The following LCMT1 variants were observed in gnomAD, a reference collection of about 807,000 sequenced individuals.
LCMT1 encodes the protein [Phosphatase 2A protein]-leucine-carboxy methyltransferase 1.
LCMT1 carries 32 observed loss-of-function variants against 47.7 expected under a neutral mutation model. The observed-to-expected ratio is 0.67, with a 90% CI of 0.51 to 0.90. The LOEUF (loss-of-function observed/expected upper bound fraction) is 0.90. Ranked by LOEUF, LCMT1 falls within the 40% of genes least tolerant of loss-of-function variation. The pLI is 0.00. For synonymous variants in LCMT1, 152 were observed against 149.7 expected (o/e 1.02, Z -0.11); for missense variants, 375 against 415.2 (o/e 0.90, Z 0.84).
At chr16:25,160,438 T>C (rs991328396) in intron 5 of LCMT1, among the ~76,000 whole-genome samples, 2 of 152,222 alleles carry the variant, frequency 1.3e-5, no homozygotes, top group African/African-American at 4.8e-5. Context: ...ATTTTATTTG[T>C]AAATACATTA....
chr16:25,147,703 T>G (rs62034870), intron 4 of LCMT1: 1 of 152,030 alleles, frequency 6.6e-6, no homozygotes, highest in African/African-American at 2.4e-5. Flanking sequence ...AAAAAAAATT[T>G]GATTTTGAGG....
At position 25,130,549 on chromosome 16, in the gene LCMT1, G is replaced by A. The variant is rs73563425; in HGVS notation, c.206-1853G>A. Among the ~76,000 whole-genome samples, 1,507 of 152,186 alleles carry A rather than the reference G, an allele frequency of 9.9e-3. 26 individuals are homozygous for A. The highest frequency in any genetic ancestry group is 0.035 in the African/African-American group (1,439 of 41,490). On this transcript the variant is annotated intron_variant, in intron 2 of 10. Transcript: ENST00000399069. ...GCCTGTAGTCCCAGCTACTTGGGAG[G>A]CAGAGGTGGGAAGATCGGCTCAGGC...
chr16:25,176,549 G>GTTTTTTTTTT (rs1961947107), intron 10 of LCMT1, among the ~76,000 whole-genome samples: 1 of 62,844 alleles, frequency 1.6e-5, no homozygotes, highest in Non-Finnish European at 3.1e-5. Flanking sequence ...TTTTTTTTTG[G>GTTTTTTTTTT]CTTTTTTTTT....
chr16:25,165,262 A>G (rs926940715), intron 7 of LCMT1, among the ~76,000 whole-genome samples: 1 of 152,182 alleles, frequency 6.6e-6, no homozygotes, highest in Non-Finnish European at 1.5e-5. Flanking sequence ...AAAATATTCT[A>G]ATTTCTAAAA....
Position 25,164,622 on chromosome 16 carries a change from ATG to A in LCMT1, c.599_600del (p.Val200AlafsTer21). 1 of 1,613,946 alleles carries A rather than the reference ATG, an allele frequency of 6.2e-7. No individual in the cohort carries two copies. Among genetic ancestry groups the A allele is most frequent in the Non-Finnish European group, 8.5e-7 (1 of 1,179,866 alleles). On this transcript the variant is annotated frameshift_variant, in exon 7 of 11. Coordinates refer to ENST00000399069, the MANE Select transcript of LCMT1 (RefSeq NM_016309.3). LOFTEE classifies it high-confidence loss of function. ...TQLPTLLIAE[C>X]VLVYMTPEQS... ...GATTGCCAACACTCCTGATAGCTGA[ATG>A]TGTGCTGGTTTACATGACTCCAGAG...
chr16:25,159,090 C>T (rs1439899070), intron 5 of LCMT1, among the ~76,000 whole-genome samples: 2 of 152,110 alleles, frequency 1.3e-5, no homozygotes, highest in Non-Finnish European at 1.5e-5. Context: ...GAGAGATCTC[C>T]CCTGAACTAC....
At position 25,177,983 on chromosome 16, in the gene LCMT1, G is replaced by A. The variant is rs907859995; in HGVS notation, c.983-18G>A. ...CCACCAGAGTCTCCTAATGGTGTCT[G>A]TGTGTCTCTCCCCTCAGGGCTGAAG... On this transcript the variant is annotated intron_variant, in intron 10 of 10. Transcript: ENST00000399069. 2.5e-6 allele frequency: 4 copies of A among 1,613,260 alleles called. No homozygotes were observed. Among genetic ancestry groups the A allele is most frequent in the Admixed American group, 1.7e-5 (1 of 59,974 alleles).
chr16:25,157,234 T>A (rs941400785), intron 5 of LCMT1, among the ~76,000 whole-genome samples: 9 of 152,066 alleles, frequency 5.9e-5, no homozygotes, highest in African/African-American at 2.2e-4. Context: ...TTTCACCTCA[T>A]GACCTAATCA....
chr16:25,128,512 A>G lies in LCMT1; in HGVS notation c.151A>G (p.Ile51Val). ...CATTGGCTACTGGCATGACCCTTAC[A>G]TACAGCACTTTGTGAGACTGTCTAA... is the stretch of plus-strand genomic sequence containing the variant. Reference protein sequence around the residue: ...VSIGYWHDPYIQHFVRLSKER... With the variant: ...VSIGYWHDPYVQHFVRLSKER... The change falls in exon 2 of 11, where the codon ATA (isoleucine) becomes GTA (valine). Residue 51 changes from isoleucine to valine, a missense_variant. Ile to Val is a conservative substitution (Grantham distance 29). Transcript: ENST00000399069. 2 of 1,610,888 alleles carry G rather than the reference A, an allele frequency of 1.2e-6. No homozygotes were observed. Among genetic ancestry groups the G allele is most frequent in the Non-Finnish European group, 8.5e-7 (1 of 1,178,658 alleles).
chr16:25,164,663 T>C lies in LCMT1; in HGVS notation c.635T>C (p.Leu212Pro). The C allele has an allele frequency of 6.2e-7, 1 of 1,613,986 alleles. No homozygotes were observed. The change falls in exon 7 of 11, where the codon CTC becomes CCC. Residue 212 changes from leucine to proline, a missense_variant. Leu to Pro is a moderately conservative substitution (Grantham distance 98). Transcript: ENST00000399069. ...ATGACTCCAGAGCAGTCCGCAAACC[T>C]CCTGAAGTGGGCAGCCAACAGTTTT... ...VYMTPEQSAN[L>P]LKWAANSFER...
intron 3 of LCMT1, among the ~76,000 whole-genome samples, chr16:25,136,467 A>G (rs1414988002): frequency 1.3e-5 from 2 of 151,310 alleles, no homozygotes; most frequent in African/African-American, 4.9e-5. Flanking sequence ...AAGAAACAGG[A>G]TATCTTTTTT....
At chr16:25,156,530 G>A (rs1961260767) in intron 5 of LCMT1, among the ~76,000 whole-genome samples, 2 of 152,230 alleles carry the variant, frequency 1.3e-5, no homozygotes, top group Non-Finnish European at 2.9e-5. Flanking sequence ...GTTGGGCCGT[G>A]AGGAGGAGAC....
intron 1 of LCMT1, among the ~76,000 whole-genome samples, chr16:25,117,017 G>A (rs1959810507): frequency 6.6e-6 from 1 of 152,136 alleles, no homozygotes; most frequent in African/African-American, 2.4e-5. Context: ...GTAGGGAGTG[G>A]GTAGCAGGTT....
intron 6 of LCMT1, among the ~76,000 whole-genome samples, chr16:25,162,331 G>A (rs1961455585): frequency 6.6e-6 from 1 of 152,090 alleles, no homozygotes; most frequent in Non-Finnish European, 1.5e-5. Context: ...CCTCATGCCT[G>A]TAATCTCAGC....
chr16:25,127,617 C>G (rs1012247878), intron 1 of LCMT1, among the ~76,000 whole-genome samples: 2 of 152,204 alleles, frequency 1.3e-5, no homozygotes, highest in Non-Finnish European at 2.9e-5. Flanking sequence ...ACTTAGCAGG[C>G]AACAAGAAAT....
chr16:25,168,032 T>C (rs191144096), intron 7 of LCMT1, among the ~76,000 whole-genome samples: 1 of 149,122 alleles, frequency 6.7e-6, no homozygotes, highest in Admixed American at 6.7e-5. Flanking sequence ...GCTGGGATTA[T>C]AGGCGTGAGC....
At chr16:25,135,853 T>G (rs1039068806) in intron 3 of LCMT1, among the ~76,000 whole-genome samples, 29 of 151,942 alleles carry the variant, frequency 1.9e-4, no homozygotes, top group Non-Finnish European at 7.4e-5. Context: ...CACTTTGGGA[T>G]GCCGAGGTGG....
At chr16:25,176,817 C>T (rs1199277658) in intron 10 of LCMT1, among the ~76,000 whole-genome samples, 1 of 150,510 alleles carries the variant, frequency 6.6e-6, no homozygotes, top group African/African-American at 2.4e-5. Flanking sequence ...CTGGCTCGGC[C>T]CCCCAAAGTG....
Position 25,162,678 on chromosome 16 carries a change from A to T in LCMT1, c.569+1474A>T, listed in dbSNP as rs277900. Among the ~76,000 whole-genome samples the T allele has an allele frequency of 3.9e-5, 6 of 152,010 alleles. No individual in the cohort carries two copies. The South Asian group carries it at 1.2e-3, about 32-fold the overall frequency. ...CACCTGTAAGTGTTAGCAGTTGAAG[A>T]TGCTGAAATCTCTGAGAAATGCTAT... On this transcript the variant is annotated intron_variant, in intron 6 of 10. Coordinates refer to ENST00000399069, the MANE Select transcript of LCMT1 (RefSeq NM_016309.3).
Sources: allele counts gnomAD v4.1 joint callset (sites outside exome capture counted in the v4.1 genomes callset), GRCh38; gene constraint gnomAD v4.1.1; transcripts MANE v1.5; gene names NCBI Gene and HGNC (gene_info 2026-07-23, HGNC 2026-07-21).